The following OIP5 variants were observed in gnomAD, a reference collection of about 807,000 sequenced individuals.
OIP5 encodes Opa interacting protein 5, also known as protein Mis18-beta.
OIP5 carries 24 observed loss-of-function variants against 20.3 expected under a neutral mutation model. The ratio of observed to expected loss-of-function variants is 1.18; its 90% confidence interval spans 0.86 to 1.66. OIP5 has a LOEUF of 1.66. OIP5 is among the 40% of genes most tolerant of loss of function. The pLI, the probability that OIP5 is intolerant of heterozygous loss-of-function variation, is 0.00. For missense variants in OIP5, 339 were observed against 289.5 expected, an observed-to-expected ratio of 1.17 and a Z score of -1.24; for synonymous variants, 143 against 121.3, an observed-to-expected ratio of 1.18 and a Z score of -1.17.
At chr15:41,316,319 A>G (rs1416643281) in intron 3 of OIP5, among the ~76,000 whole-genome samples, 5 of 147,448 alleles carry the variant, frequency 3.4e-5, no homozygotes, top group Non-Finnish European at 5.9e-5. Flanking sequence ...CTTTAAAAAA[A>G]GAGAATGATC....
In OIP5 at chr15:41,309,489, G is replaced by A. The variant is rs1047649575; in HGVS notation, c.*265C>T. Reference sequence around the variant, plus strand: ...CTTAATTCCTAAATTTACAGTCAAAGACATTTTCAGAGATAAGTATTATGA... The same window carrying A: ...CTTAATTCCTAAATTTACAGTCAAAAACATTTTCAGAGATAAGTATTATGA... On this transcript the variant is annotated 3_prime_UTR_variant, in exon 5 of 5. Transcript: ENST00000220514. 3 of 277,296 alleles carry A rather than the reference G, an allele frequency of 1.1e-5. No individual in the cohort carries two copies. In the Admixed American group the frequency reaches 1.5e-4, roughly 14 times the overall value. The allele number at this position is 277,296 out of a possible 1,614,324, so 17.2% of individuals were successfully genotyped here. A position where few individuals can be genotyped will look rare whatever the true frequency, so the allele number is the denominator to read the frequency against.
At chr15:41,331,620 T>C (rs954397474) in intron 2 of OIP5, among the ~76,000 whole-genome samples, 2 of 152,170 alleles carry the variant, frequency 1.3e-5, no homozygotes, top group Non-Finnish European at 1.5e-5. Context: ...TAGTTTATAG[T>C]ATGTTATTCT....
At chr15:41,322,239 G>A (rs1270330820) in intron 2 of OIP5, among the ~76,000 whole-genome samples, 1 of 152,090 alleles carries the variant, frequency 6.6e-6, no homozygotes, top group East Asian at 1.9e-4. Context: ...AGGAATTCGA[G>A]AGCAGCCTAG....
At chr15:41,316,512 G>A (rs1466184240) in intron 3 of OIP5, among the ~76,000 whole-genome samples, 1 of 151,936 alleles carries the variant, frequency 6.6e-6, no homozygotes, top group East Asian at 1.9e-4. Flanking sequence ...AAAAGCGGCC[G>A]GGCGCGGTGG....
chr15:41,318,673 G>A (rs2047803537), intron 3 of OIP5, among the ~76,000 whole-genome samples: 1 of 151,632 alleles, frequency 6.6e-6, no homozygotes, highest in Non-Finnish European at 1.5e-5. Flanking sequence ...ATAAGACATG[G>A]AAGATAATCA....
intron 2 of OIP5, among the ~76,000 whole-genome samples, chr15:41,321,594 C>T (rs983434868): frequency 1.3e-5 from 2 of 152,068 alleles, no homozygotes; most frequent in Non-Finnish European, 2.9e-5. Flanking sequence ...AATTCTTCTG[C>T]CTTGGGATCC....
At chr15:41,311,904 G>A (rs1254091563) in intron 4 of OIP5, among the ~76,000 whole-genome samples, 3 of 103,732 alleles carry the variant, frequency 2.9e-5, no homozygotes, top group South Asian at 3.0e-4. Flanking sequence ...ACAGAGTTTC[G>A]CTCTCAATGG....
intron 2 of OIP5, among the ~76,000 whole-genome samples, chr15:41,321,100 CT>C (rs2047821563): frequency 9.4e-6 from 1 of 106,478 alleles, no homozygotes; most frequent in Non-Finnish European, 2.5e-5. Flanking sequence ...GCCACCCCAT[CT>C]GGGAAGTGAG....
intron 2 of OIP5, among the ~76,000 whole-genome samples, chr15:41,328,697 G>C (rs1052118796): frequency 6.6e-6 from 1 of 152,072 alleles, no homozygotes; most frequent in East Asian, 1.9e-4. Flanking sequence ...ATGTCGGAGG[G>C]AGTATATTTT....
At chr15:41,327,715 G>A (rs780946438) in intron 2 of OIP5, among the ~76,000 whole-genome samples, 3 of 152,086 alleles carry the variant, frequency 2.0e-5, no homozygotes, top group Admixed American at 6.5e-5. Context: ...TTGAACCCGG[G>A]AGGCGGAGTT....
intron 2 of OIP5, among the ~76,000 whole-genome samples, chr15:41,321,112 G>GTGGGGGGTC (rs2047821633): frequency 7.4e-6 from 1 of 134,560 alleles, no homozygotes; most frequent in Non-Finnish European, 1.7e-5. Context: ...GGGAAGTGAG[G>GTGGGGGGTC]AGCGTCTCCG....
At chr15:41,325,641 A>G (rs2047856983) in intron 2 of OIP5, among the ~76,000 whole-genome samples, 1 of 151,480 alleles carries the variant, frequency 6.6e-6, no homozygotes, top group African/African-American at 2.4e-5. Flanking sequence ...ATTTGAGGTC[A>G]GGAGTTCAGG....
At position 41,309,775 on chromosome 15, in the gene OIP5, G is replaced by C; in HGVS notation, c.669C>G (p.Asp223Glu). Reference sequence around the variant, plus strand: ...AGGATCAGTTTTCTGGCTTGGACTGGTCAGGAGTCACTTCACTCAGAATCT... The same window carrying C: ...AGGATCAGTTTTCTGGCTTGGACTGCTCAGGAGTCACTTCACTCAGAATCT... ...LMKILSEVTP[D>E]QSKPEN is the part of the protein sequence containing the mutation. The change falls in exon 5 of 5, where the codon GAC (aspartate) becomes GAG (glutamate). Residue 223 changes from aspartate (D) to glutamate (E), a missense_variant. Asp to Glu is a conservative substitution (Grantham distance 45, BLOSUM62 2). Coordinates refer to ENST00000220514, the MANE Select transcript of OIP5 (RefSeq NM_007280.2). The C allele has an allele frequency of 6.2e-7, 1 of 1,613,720 alleles. No homozygotes were observed. Among genetic ancestry groups the C allele is most frequent in the Non-Finnish European group, 8.5e-7 (1 of 1,179,624 alleles).
chr15:41,332,365 A>G lies in OIP5; in HGVS notation c.197T>C (p.Leu66Pro), dbSNP rs776086649. 29 of 1,612,674 alleles carry G rather than the reference A, an allele frequency of 1.8e-5. No homozygotes were observed. In the East Asian group the frequency reaches 6.2e-4, roughly 35 times the overall value. The change falls in exon 1 of 5, where the codon CTG becomes CCG. Residue 66 changes from leucine to proline, a missense_variant. Physicochemically the swap from Leu to Pro is moderately conservative, Grantham distance 98. Transcript: ENST00000220514. The part of the protein sequence containing the change: ...GAEEPAAGPQ[L>P]PSWLQPERCA... ...CCTCTCAGGCTGCAGCCAAGACGGC[A>G]GCTGCGGGCCGGCGGCTGGCTCCTC...
chr15:41,309,753 A>G lies in OIP5; in HGVS notation c.*1T>C. 1 of 1,606,038 alleles carries G rather than the reference A, an allele frequency of 6.2e-7. No homozygotes were observed. Among genetic ancestry groups the G allele is most frequent in the Non-Finnish European group, 8.5e-7 (1 of 1,173,136 alleles). ...CCTGACACTCAAGCTTTGGTACAGGATCAGTTTTCTGGCTTGGACTGGTCA... is the reference window on the plus strand; with the variant it reads ...CCTGACACTCAAGCTTTGGTACAGGGTCAGTTTTCTGGCTTGGACTGGTCA... On this transcript the variant is annotated 3_prime_UTR_variant, in exon 5 of 5. Transcript: ENST00000220514.
intron 4 of OIP5, among the ~76,000 whole-genome samples, chr15:41,311,322 A>G (rs1451987259): frequency 6.6e-6 from 1 of 152,116 alleles, no homozygotes; most frequent in East Asian, 1.9e-4. Flanking sequence ...TCCATGTGGG[A>G]GAATCGCTTG....
At chr15:41,320,818 C>T (rs1398130381) in intron 2 of OIP5, among the ~76,000 whole-genome samples, 1 of 151,324 alleles carries the variant, frequency 6.6e-6, no homozygotes, top group Non-Finnish European at 1.5e-5. Context: ...GCCCGCCCGC[C>T]ATCCCATCTA....
At chr15:41,313,826 T>G (rs970379389) in intron 3 of OIP5, among the ~76,000 whole-genome samples, 1 of 152,142 alleles carries the variant, frequency 6.6e-6, no homozygotes, top group Admixed American at 6.6e-5. Flanking sequence ...CCATGGATTT[T>G]GGTATCTGGT....
rs368811978 is a variant in OIP5 at position 41,331,909 on chromosome 15, A to G, written c.389+6T>C. ...ACTAGAGACCAATGTAATTATCAAT[A>G]CGTACCTGCCTTTGAGTGAACCTTC... On this transcript the variant is annotated splice_donor_region_variant and intron_variant, in intron 2 of 4. Coordinates refer to ENST00000220514, the MANE Select transcript of OIP5 (RefSeq NM_007280.2). The G allele has an allele frequency of 2.5e-6, 4 of 1,612,448 alleles. No individual in the cohort carries two copies. The African/African-American group carries it at 4.0e-5, about 16-fold the overall frequency.
Sources: allele counts gnomAD v4.1 joint callset (sites outside exome capture counted in the v4.1 genomes callset), GRCh38; gene constraint gnomAD v4.1.1; transcripts MANE v1.5; gene names NCBI Gene and HGNC (gene_info 2026-07-23, HGNC 2026-07-21).